The following KCNIP4 variants were observed in gnomAD, a reference collection of about 807,000 sequenced individuals.
KCNIP4 encodes the protein Kv channel-interacting protein 4.
KCNIP4 carries 12 observed loss-of-function variants against 34.0 expected under a neutral mutation model. The observed-to-expected ratio is 0.35, with a 90% CI of 0.23 to 0.57. The LOEUF (loss-of-function observed/expected upper bound fraction) is 0.57. Ranked by LOEUF, KCNIP4 falls within the 20% of genes least tolerant of loss-of-function variation. The pLI is 0.83. For synonymous variants in KCNIP4, 124 were observed against 102.2 expected, an observed-to-expected ratio of 1.21 and a Z score of -1.29; for missense variants, 238 against 311.7, an observed-to-expected ratio of 0.76 and a Z score of 1.78.
chr4:21,455,524 T>TATAGATGAGAGATAGATAA (rs1393449804), intron 1 of KCNIP4, among the ~76,000 whole-genome samples: 1 of 151,624 alleles, frequency 6.6e-6, no homozygotes, highest in Non-Finnish European at 1.5e-5. Flanking sequence ...ACAACAGATA[T>TATAGATGAGAGATAGATAA]ATAGATGACA....
rs548071505 is a variant in KCNIP4, at chr4:21,831,726, A to G, written c.61+116845T>C. 2.6e-5 allele frequency among the ~76,000 whole-genome samples: 4 copies of G among 151,768 alleles called. No homozygotes were observed. In the East Asian group the frequency reaches 7.7e-4, roughly 29 times the overall value. ...GTTTCACTGGTGAATTCTACCAAAGATTTAAAGAATTCACACTAGTTCCTC... is the reference window on the plus strand; with the variant it reads ...GTTTCACTGGTGAATTCTACCAAAGGTTTAAAGAATTCACACTAGTTCCTC... On this transcript the variant is annotated intron_variant, in intron 1 of 8. Coordinates refer to ENST00000382152, the MANE Select transcript of KCNIP4 (RefSeq NM_025221.6).
chr4:21,717,530 C>T (rs1029858286), intron 1 of KCNIP4, among the ~76,000 whole-genome samples: 4 of 152,110 alleles, frequency 2.6e-5, no homozygotes, highest in Non-Finnish European at 4.4e-5. Context: ...TATGGCAGAA[C>T]CAATGAGACC....
chr4:21,393,833 A>T (rs376802267), intron 1 of KCNIP4, among the ~76,000 whole-genome samples: 4 of 152,280 alleles, frequency 2.6e-5, no homozygotes, highest in African/African-American at 9.6e-5. Flanking sequence ...TTTTACATTT[A>T]GGTAAACTTA....
intron 5 of KCNIP4, among the ~76,000 whole-genome samples, chr4:20,747,323 C>G (rs923654636): frequency 5.9e-5 from 9 of 152,264 alleles, no homozygotes; most frequent in African/African-American, 2.2e-4. Flanking sequence ...CCTCTGGAAG[C>G]CAGCTATAAA....
At position 21,695,060 on chromosome 4, in the gene KCNIP4, C is replaced by A. The variant is rs116632642; in HGVS notation, c.61+253511G>T. On this transcript the variant is annotated intron_variant, in intron 1 of 8. Transcript: ENST00000382152. ...TGATTGCTCAGGATACAATTAGCAG[C>A]TGCCTGCATATCCAACCTTAAAGGA... Among the ~76,000 whole-genome samples the A allele has an allele frequency of 7.4e-3, 1,125 of 152,100 alleles. 10 individuals are homozygous for A. The highest frequency in any genetic ancestry group is 0.024 in the African/African-American group (1,014 of 41,532).
At chr4:21,276,681 T>C (rs916166409) in intron 1 of KCNIP4, among the ~76,000 whole-genome samples, 1 of 152,184 alleles carries the variant, frequency 6.6e-6, no homozygotes, top group African/African-American at 2.4e-5. Flanking sequence ...CCCTTCTTTT[T>C]TTCTAATAGA....
intron 1 of KCNIP4, among the ~76,000 whole-genome samples, chr4:21,753,526 C>T (rs1004287550): frequency 2.6e-5 from 4 of 152,278 alleles, no homozygotes; most frequent in Middle Eastern, 3.4e-3. Flanking sequence ...GAGAATTCTT[C>T]CTGGTCTCTA....
chr4:21,322,295 G>A (rs141434873), intron 1 of KCNIP4, among the ~76,000 whole-genome samples: 1 of 152,290 alleles, frequency 6.6e-6, no homozygotes, highest in East Asian at 1.9e-4. Context: ...ACCTGAGCCA[G>A]CTGAGGAGAT....
At chr4:21,444,441 T>C (rs896188760) in intron 1 of KCNIP4, among the ~76,000 whole-genome samples, 1 of 152,190 alleles carries the variant, frequency 6.6e-6, no homozygotes, top group Admixed American at 6.5e-5. Flanking sequence ...TCAAGTGGGC[T>C]TCATCCCTGG....
At chr4:21,792,279 G>A (rs1228329280) in intron 1 of KCNIP4, among the ~76,000 whole-genome samples, 2 of 152,042 alleles carry the variant, frequency 1.3e-5, no homozygotes, top group Non-Finnish European at 2.9e-5. Flanking sequence ...GAGATGTTAT[G>A]GAGCTCTACC....
chr4:20,905,505 C>CTTTTTTTTTT (rs1182454951), intron 1 of KCNIP4, among the ~76,000 whole-genome samples: 25 of 37,022 alleles, frequency 6.8e-4, no homozygotes, highest in African/African-American at 1.8e-3. Flanking sequence ...TGAACGTTTT[C>CTTTTTTTTTT]TTTCTTTTTT....
At chr4:21,048,858 A>C (rs1742659760) in intron 1 of KCNIP4, among the ~76,000 whole-genome samples, 1 of 151,630 alleles carries the variant, frequency 6.6e-6, no homozygotes, top group Non-Finnish European at 1.5e-5. Context: ...CAGGAAGCAC[A>C]TGCTAGCCAC....
At chr4:21,781,134 A>C (rs1284019368) in intron 1 of KCNIP4, among the ~76,000 whole-genome samples, 1 of 152,016 alleles carries the variant, frequency 6.6e-6, no homozygotes, top group African/African-American at 2.4e-5. Context: ...TGAGGGAGGG[A>C]AGTGATTGGA....
chr4:20,810,078 G>C (rs574300635), intron 3 of KCNIP4, among the ~76,000 whole-genome samples: 2 of 152,180 alleles, frequency 1.3e-5, no homozygotes, highest in Non-Finnish European at 2.9e-5. Flanking sequence ...GTCTGTGAAC[G>C]ACTGCAGCAA....
chr4:21,753,692 T>A (rs1239043577), intron 1 of KCNIP4, among the ~76,000 whole-genome samples: 1 of 152,134 alleles, frequency 6.6e-6, no homozygotes, highest in Non-Finnish European at 1.5e-5. Context: ...CCCGGACTCG[T>A]CTTCGAATCT....
chr4:20,799,176 T>C, intron 3 of KCNIP4, among the ~76,000 whole-genome samples: 1 of 152,182 alleles, frequency 6.6e-6, no homozygotes, highest in Non-Finnish European at 1.5e-5. Flanking sequence ...CCATTCTAGT[T>C]GCTGGGGCAC....
At chr4:21,889,301 TA>T (rs1201499453) in intron 1 of KCNIP4, among the ~76,000 whole-genome samples, 1 of 152,122 alleles carries the variant, frequency 6.6e-6, no homozygotes, top group Non-Finnish European at 1.5e-5. Context: ...AAATCATAAA[TA>T]AATCTCATGT....
intron 1 of KCNIP4, among the ~76,000 whole-genome samples, chr4:21,238,248 T>A (rs1245772935): frequency 1.3e-5 from 2 of 152,130 alleles, no homozygotes; most frequent in Non-Finnish European, 2.9e-5. Context: ...TAAGAGCTAT[T>A]TATGACAAAC....
intron 1 of KCNIP4, among the ~76,000 whole-genome samples, chr4:21,655,727 A>T (rs1560597605): frequency 6.6e-6 from 1 of 152,224 alleles, no homozygotes; most frequent in Non-Finnish European, 1.5e-5. Flanking sequence ...CACATCATGC[A>T]TGCTAAATAA....
Sources: gnomAD v4.1 joint callset for allele counts (sites outside exome capture counted in the v4.1 genomes callset) on GRCh38, gnomAD v4.1.1 for gene constraint, MANE v1.5 for transcripts, NCBI Gene and HGNC (gene_info 2026-07-23, HGNC 2026-07-21) for gene names.